The following CHRM2 variants were observed in gnomAD, a reference collection of about 807,000 sequenced individuals.
CHRM2 encodes muscarinic acetylcholine receptor M2.
A neutral mutation model predicts 25.0 loss-of-function variants in CHRM2; 8 were observed. That is an observed-to-expected ratio of 0.32 (90% CI 0.19 to 0.58). The LOEUF is 0.58. Ranked by LOEUF, CHRM2 falls within the 20% of genes least tolerant of loss-of-function variation. The probability of loss-of-function intolerance (pLI) is 0.88; values close to 1 mark genes in which losing one functional copy is unlikely to be tolerated. For synonymous variants in CHRM2, 202 were observed against 205.7 expected (o/e 0.98, Z 0.15); for missense variants, 440 against 567.1 (o/e 0.78, Z 2.28).
intron 2 of CHRM2, among the ~76,000 whole-genome samples, chr7:136,880,187 G>T (rs1796210807): frequency 6.6e-6 from 1 of 151,614 alleles, no homozygotes; most frequent in Non-Finnish European, 1.5e-5. Flanking sequence ...TAGAGTATTG[G>T]CAATTATTGG....
chr7:136,987,263 C>A (rs576278571), intron 2 of CHRM2, among the ~76,000 whole-genome samples: 3 of 152,214 alleles, frequency 2.0e-5, no homozygotes, highest in African/African-American at 7.2e-5. Flanking sequence ...GTCAAAAGTT[C>A]CTTCTTTTGC....
At chr7:136,977,006 A>T (rs1312289536) in intron 2 of CHRM2, among the ~76,000 whole-genome samples, 1 of 152,234 alleles carries the variant, frequency 6.6e-6, no homozygotes, top group Non-Finnish European at 1.5e-5. Context: ...AACACATAAC[A>T]TTCCTATTGT....
intron 2 of CHRM2, among the ~76,000 whole-genome samples, chr7:136,885,921 C>T (rs952882955): frequency 2.0e-5 from 3 of 152,004 alleles, no homozygotes; most frequent in Non-Finnish European, 2.9e-5. Flanking sequence ...TTCAGAGTCC[C>T]GTACGTTATT....
chr7:136,938,843 C>A (rs976537356), intron 2 of CHRM2, among the ~76,000 whole-genome samples: 1 of 147,008 alleles, frequency 6.8e-6, no homozygotes, highest in African/African-American at 2.5e-5. Context: ...ACCTGGGGAC[C>A]CCCCTTGCCG....
chr7:136,949,287 A>AT (rs1800249127), intron 2 of CHRM2, among the ~76,000 whole-genome samples: 2 of 152,104 alleles, frequency 1.3e-5, no homozygotes, highest in South Asian at 4.1e-4. Flanking sequence ...GAGGCGAAAT[A>AT]TTTCTTCCAT....
At chr7:136,942,535 G>T (rs987244877) in intron 2 of CHRM2, among the ~76,000 whole-genome samples, 1 of 152,130 alleles carries the variant, frequency 6.6e-6, no homozygotes, top group Non-Finnish European at 1.5e-5. Context: ...GGCCCAGAGT[G>T]CTGTTCTCTC....
intron 2 of CHRM2, among the ~76,000 whole-genome samples, chr7:136,940,751 G>A (rs1799716893): frequency 6.6e-6 from 1 of 152,076 alleles, no homozygotes; most frequent in African/African-American, 2.4e-5. Flanking sequence ...AAAAATTCTG[G>A]GTGTTAGGTA....
chr7:136,880,907 C>A (rs1796241887), intron 2 of CHRM2, among the ~76,000 whole-genome samples: 1 of 151,688 alleles, frequency 6.6e-6, no homozygotes, highest in Non-Finnish European at 1.5e-5. Context: ...TTGAGTAAGG[C>A]TAAGGCTATT....
At chr7:136,881,195 AC>A (rs1327041686) in intron 2 of CHRM2, among the ~76,000 whole-genome samples, 3 of 150,280 alleles carry the variant, frequency 2.0e-5, no homozygotes, top group African/African-American at 7.4e-5. Context: ...GTTTGCCTTT[AC>A]GGACTGTCAT....
At chr7:136,963,023 A>C (rs924570695) in intron 2 of CHRM2, among the ~76,000 whole-genome samples, 1 of 152,236 alleles carries the variant, frequency 6.6e-6, no homozygotes, top group African/African-American at 2.4e-5. Flanking sequence ...ATTAGTTTTT[A>C]CGAAAAAAGA....
rs187690322 is a variant in CHRM2 at position 136,897,370 on chromosome 7, A to G, written c.-125+27952A>G. On this transcript the variant is annotated intron_variant, in intron 2 of 3. Coordinates refer to ENST00000680005, the MANE Select transcript of CHRM2 (RefSeq NM_001006630.2). ...AGAAGTTATCAGTATATTAATCACAACTTGCTATTGCATATATACATTTAA... is the reference window on the plus strand; with the variant it reads ...AGAAGTTATCAGTATATTAATCACAGCTTGCTATTGCATATATACATTTAA... Among the ~76,000 whole-genome samples, 158 of 152,224 alleles carry G rather than the reference A, an allele frequency of 1.0e-3. 2 individuals carry two copies. Among genetic ancestry groups the G allele is most frequent in the Non-Finnish European group, 2.1e-4 (14 of 67,980 alleles).
At chr7:136,987,741 T>C (rs1412771061) in intron 2 of CHRM2, among the ~76,000 whole-genome samples, 1 of 152,188 alleles carries the variant, frequency 6.6e-6, no homozygotes, top group Non-Finnish European at 1.5e-5. Flanking sequence ...GCCTTTTAAA[T>C]GTGCATCCCT....
At chr7:136,936,931 A>G (rs79005601) in intron 2 of CHRM2, among the ~76,000 whole-genome samples, 3,599 of 152,272 alleles carry the variant, frequency 0.024, 76 homozygotes, top group Middle Eastern at 0.058. Context: ...AATCTGCTGA[A>G]TTTTAGACAG....
chr7:137,003,872 G>C (rs1199585142), intron 3 of CHRM2, among the ~76,000 whole-genome samples: 1 of 152,046 alleles, frequency 6.6e-6, no homozygotes, highest in Non-Finnish European at 1.5e-5. Flanking sequence ...GATAGCCAGT[G>C]AGTTCTCATG....
chr7:136,961,694 A>AT (rs952670828), intron 2 of CHRM2, among the ~76,000 whole-genome samples: 1 of 149,200 alleles, frequency 6.7e-6, no homozygotes, highest in Non-Finnish European at 1.5e-5. Context: ...ATTCTCAAAC[A>AT]TTTTTTAAAC....
At chr7:136,944,993 A>G (rs1799989041) in intron 2 of CHRM2, among the ~76,000 whole-genome samples, 1 of 151,986 alleles carries the variant, frequency 6.6e-6, no homozygotes, top group Non-Finnish European at 1.5e-5. Flanking sequence ...CACTTCCCTG[A>G]TAATTAGTGA....
chr7:136,907,670 AACAT>A (rs1391952485), intron 2 of CHRM2, among the ~76,000 whole-genome samples: 1 of 151,924 alleles, frequency 6.6e-6, no homozygotes, highest in Non-Finnish European at 1.5e-5. Flanking sequence ...GTCTCAGCCA[AACAT>A]ACTTACAAAA....
chr7:136,915,791 C>T (rs542565089), intron 2 of CHRM2, among the ~76,000 whole-genome samples: 129 of 151,458 alleles, frequency 8.5e-4, no homozygotes, highest in Middle Eastern at 3.4e-3. Flanking sequence ...ATAATGACTC[C>T]AAACAATAAA....
intron 2 of CHRM2, among the ~76,000 whole-genome samples, chr7:136,985,504 C>CAAAAAAAA (rs974105875): frequency 0.021 from 1,233 of 58,888 alleles, 4 homozygotes; most frequent in East Asian, 0.028. Flanking sequence ...AGTTAGACTC[C>CAAAAAAAA]AAAAAAAAAA....
Sources: allele counts gnomAD v4.1 joint callset (sites outside exome capture counted in the v4.1 genomes callset), GRCh38; gene constraint gnomAD v4.1.1; transcripts MANE v1.5; gene names NCBI Gene and HGNC (gene_info 2026-07-23, HGNC 2026-07-21).